Variants in C8B observed in about 807,000 individuals in gnomAD.
C8B encodes the protein complement C8 beta chain, also known as complement component C8 beta chain.
Under a neutral mutation model 64.6 loss-of-function variants are expected in C8B, and 67 were observed. The ratio of observed to expected loss-of-function variants is 1.04; its 90% CI spans 0.85 to 1.27. The LOEUF is 1.27. Among genes scored for constraint, C8B ranks in the 50% most tolerant of loss-of-function variants. The pLI is 0.00. For missense variants in C8B, 790 were observed against 725.2 expected (o/e 1.09, Z -1.03); for synonymous variants, 284 against 257.7 (o/e 1.10, Z -0.98).
Position 56,940,960 on chromosome 1 carries a change from T to G in C8B, c.1287A>C (p.Gly429=), listed in dbSNP as rs856841. The G allele has an allele frequency of 2.6e-3, 4,231 of 1,614,040 alleles. 114 individuals are homozygous for G. The African/African-American group carries it at 0.05, about 19-fold the overall frequency. ...GGGTGGTGATGTGCTCACTTGCCCC[T>G]CCTCGTACCAGGACCACCAAGTCCT... ...MVEDLVVLVR[G]GASEHITTLA... Residue 429 remains glycine, a synonymous_variant, in exon 9 of 12, where the codon GGA becomes GGC. Transcript: ENST00000371237.
intron 3 of C8B, among the ~76,000 whole-genome samples, chr1:56,956,223 A>G (rs1311567797): frequency 6.6e-6 from 1 of 152,186 alleles, no homozygotes; most frequent in Non-Finnish European, 1.5e-5. Flanking sequence ...GTCATATTCT[A>G]CTTAACCCCA....
At chr1:56,943,853 A>G in intron 7 of C8B, 29 bp from the exon 8 acceptor site, 1 of 1,613,012 alleles carries the variant, frequency 6.2e-7, no homozygotes, top group East Asian at 2.2e-5. Flanking sequence ...AAGGTCCATG[A>G]CGTAAAAGGT....
At chr1:56,943,291 C>A (rs1200303525) in intron 8 of C8B, among the ~76,000 whole-genome samples, 1 of 152,056 alleles carries the variant, frequency 6.6e-6, no homozygotes. Context: ...TACCAGATAA[C>A]TATGTAAGAT....
At chr1:56,952,652 C>T (rs1246655925) in intron 4 of C8B, among the ~76,000 whole-genome samples, 1 of 152,184 alleles carries the variant, frequency 6.6e-6, no homozygotes, top group Non-Finnish European at 1.5e-5. Context: ...AGTTGGGTAG[C>T]ATAATAGATA....
chr1:56,953,624 C>A (rs148245190), intron 4 of C8B, among the ~76,000 whole-genome samples: 1 of 152,304 alleles, frequency 6.6e-6, no homozygotes, highest in Non-Finnish European at 1.5e-5. Flanking sequence ...GTATGTTAGT[C>A]ACATTCACTT....
chr1:56,954,580 G>T (rs1645074365), intron 4 of C8B, 106 bp downstream of exon 4: 1 of 1,448,458 alleles, frequency 6.9e-7, no homozygotes, highest in Non-Finnish European at 9.7e-7. Context: ...TTCTCAGAAA[G>T]GTGAGTGAGG....
intron 7 of C8B, among the ~76,000 whole-genome samples, chr1:56,944,885 T>A (rs1644918743): frequency 6.6e-6 from 1 of 152,196 alleles, no homozygotes; most frequent in Non-Finnish European, 1.5e-5. Context: ...AGCCATTCAC[T>A]TAACCCAACA....
intron 5 of C8B, 106 bp from the exon 6 acceptor site, chr1:56,949,858 T>C: frequency 1.2e-6 from 1 of 808,484 alleles, no homozygotes; most frequent in Non-Finnish European, 2.1e-6. Context: ...GATACTGAAC[T>C]AGATGCTCTG....
At position 56,952,140 on chromosome 1, in the gene C8B, C is replaced by G. The variant is rs375513059; in HGVS notation, c.574G>C (p.Asp192His). The change falls in exon 5 of 12, where the codon GAT becomes CAT. Residue 192 changes from aspartate (D) to histidine (H), a missense_variant. Physicochemically the swap from Asp to His is moderately conservative, Grantham distance 81. Coordinates refer to ENST00000371237, the MANE Select transcript of C8B (RefSeq NM_000066.4). ...FTNSFEGPVL[D>H]HRYYAGGCSP... Reference sequence around the variant, plus strand: ...CATCCACCTGCATAATACCTGTGATCAAGAACTGGGCCCTCAAAACTGTTT... The same window carrying G: ...CATCCACCTGCATAATACCTGTGATGAAGAACTGGGCCCTCAAAACTGTTT... 32 of 1,614,054 alleles carry G rather than the reference C, an allele frequency of 2.0e-5. No homozygotes were observed. The African/African-American group carries it at 3.7e-4, about 19-fold the overall frequency.
chr1:56,931,619 T>C (rs1644702090), intron 11 of C8B, 191 bp downstream of exon 11: 1 of 571,044 alleles, frequency 1.8e-6, no homozygotes, highest in East Asian at 3.3e-5. Context: ...GTTGTAAAAA[T>C]AATGAAATGC....
rs748983880 is a variant in C8B at position 56,943,741 on chromosome 1, C to T, written c.1189G>A (p.Gly397Ser). The T allele has an allele frequency of 6.2e-7, 1 of 1,614,036 alleles. No individual in the cohort carries two copies. The highest frequency in any genetic ancestry group is 1.3e-5 in the African/African-American group (1 of 74,996). Residue 397 changes from glycine (G) to serine (S), a missense_variant, in exon 8 of 12, where the codon GGT becomes AGT. Coordinates refer to ENST00000371237, the MANE Select transcript of C8B (RefSeq NM_000066.4). ...CCTCTGCATTTGCCTACAGACACACCCAGACTGACGTAGACCTCTTCAATG... is the reference window on the plus strand; with the variant it reads ...CCTCTGCATTTGCCTACAGACACACTCAGACTGACGTAGACCTCTTCAATG... ...GAIEEVYVSL[G>S]VSVGKCRGIL...
intron 1 of C8B, chr1:56,963,945 G>T (rs1470157928): frequency 4.1e-6 from 4 of 985,198 alleles, no homozygotes; most frequent in Non-Finnish European, 4.8e-6. Context: ...AGCATTTTCT[G>T]TTCCAGAACC....
chr1:56,954,959 G>A (rs1427906069), intron 3 of C8B, 132 bp from the exon 4 acceptor site: 3 of 1,015,710 alleles, frequency 3.0e-6, no homozygotes, highest in African/African-American at 1.6e-5. Context: ...TAGTCATCCT[G>A]TATCCAGATA....
At position 56,965,378 on chromosome 1, in the gene C8B, T is replaced by TGAGAGAGA. The variant is rs113817142; in HGVS notation, c.92+471_92+478dup. On this transcript the variant is annotated intron_variant, in intron 1 of 11. Transcript: ENST00000371237. Reference sequence around the variant, plus strand: ...TAACTGCTGGGAACCTTGTGGGGGGTGAGAGAGAGAGAGAGAGAGAGTGTG... The same window carrying TGAGAGAGA: ...TAACTGCTGGGAACCTTGTGGGGGGTGAGAGAGAGAGAGAGAGAGAGAGAGAGAGTGTG... Among the ~76,000 whole-genome samples the TGAGAGAGA allele has an allele frequency of 8.3e-5, 11 of 132,308 alleles. 1 individual carries two copies. The South Asian group carries it at 1.1e-3, about 13-fold the overall frequency. 86.8% of individuals were successfully genotyped at this position (132,308 alleles called of 152,430 possible).
rs1409792317 is a variant in C8B, at chr1:56,965,987, A to T, written c.-39T>A. ...CAGGAGATGCCACAGAGGCTGCTAG[A>T]CCCATAACAAGCCTGTGCTGTGAGT... On this transcript the variant is annotated 5_prime_UTR_variant, in exon 1 of 12. Coordinates refer to ENST00000371237, the MANE Select transcript of C8B (RefSeq NM_000066.4). 6.2e-7 allele frequency: 1 copy of T among 1,612,676 alleles called. No homozygotes were observed. The highest frequency in any genetic ancestry group is 2.2e-5 in the East Asian group (1 of 44,832).
At position 56,952,125 on chromosome 1, in the gene C8B, C is replaced by T; in HGVS notation, c.589G>A (p.Ala197Thr). The change falls in exon 5 of 12, where the codon GCA (alanine) becomes ACA (threonine). Residue 197 changes from alanine to threonine, a missense_variant. By Grantham distance (58) the Ala-to-Thr change is moderately conservative. Transcript: ENST00000371237. ...ATGTAATGCGGGGAGCATCCACCTG[C>T]ATAATACCTGTGATCAAGAACTGGG... Reference protein sequence around the residue: ...EGPVLDHRYYAGGCSPHYILN... With the variant: ...EGPVLDHRYYTGGCSPHYILN... The T allele has an allele frequency of 6.2e-7, 1 of 1,614,164 alleles. No individual in the cohort carries two copies. The highest frequency in any genetic ancestry group is 1.3e-5 in the African/African-American group (1 of 75,038).
chr1:56,934,523 C>T (rs1644748561), intron 9 of C8B, among the ~76,000 whole-genome samples: 1 of 152,140 alleles, frequency 6.6e-6, no homozygotes, highest in South Asian at 2.1e-4. Context: ...AACTCCAGGG[C>T]CAGGTTCCTC....
At chr1:56,959,919 G>T in intron 2 of C8B, 101 bp downstream of exon 2, 1 of 1,290,044 alleles carries the variant, frequency 7.8e-7, no homozygotes, top group South Asian at 1.2e-5. Context: ...CATTTATTGA[G>T]GGCCAACTAT....
intron 6 of C8B, among the ~76,000 whole-genome samples, chr1:56,948,373 C>T (rs1644973489): frequency 6.6e-6 from 1 of 152,118 alleles, no homozygotes; most frequent in African/African-American, 2.4e-5. Context: ...CAGATGTGGA[C>T]ATGAAGCAGA....
Sources: gnomAD v4.1 joint callset for allele counts (sites outside exome capture counted in the v4.1 genomes callset) on GRCh38, gnomAD v4.1.1 for gene constraint, MANE v1.5 for transcripts, NCBI Gene and HGNC (gene_info 2026-07-23, HGNC 2026-07-21) for gene names.